The following ADAMTSL1 variants were observed in gnomAD, a reference collection of about 807,000 sequenced individuals.
ADAMTSL1 encodes ADAMTS-like protein 1.
In ADAMTSL1, 126 loss-of-function variants were observed where a neutral mutation model predicts 201.8. The ratio of observed to expected loss-of-function variants is 0.62; its 90% CI spans 0.54 to 0.72. ADAMTSL1 has a LOEUF of 0.72. ADAMTSL1 is among the 30% of genes least tolerant of loss of function. The pLI is 0.00. For synonymous variants in ADAMTSL1, 1,121 were observed against 903.4 expected (o/e 1.24, Z -4.32); for missense variants, 2,679 against 2,277.8 (o/e 1.18, Z -3.59).
At chr9:18,904,897 C>G (rs931885849) in intron 26 of ADAMTSL1, among the ~76,000 whole-genome samples, 9 of 151,990 alleles carry the variant, frequency 5.9e-5, no homozygotes, top group Admixed American at 5.9e-4. Flanking sequence ...TTCAGTGGTT[C>G]TTAACCTTTG....
intron 23 of ADAMTSL1, among the ~76,000 whole-genome samples, chr9:18,867,431 T>C (rs1220627854): frequency 6.6e-6 from 1 of 152,220 alleles, no homozygotes; most frequent in Non-Finnish European, 1.5e-5. Flanking sequence ...TTCCTGATGA[T>C]TTAAACAGTG....
intron 15 of ADAMTSL1, among the ~76,000 whole-genome samples, chr9:18,748,549 T>A (rs1819273290): frequency 6.6e-6 from 1 of 152,036 alleles, no homozygotes; most frequent in East Asian, 1.9e-4. Context: ...ACGAAAAGAG[T>A]TTACACCACA....
chr9:18,483,806 G>A (rs993414928), intron 1 of ADAMTSL1, among the ~76,000 whole-genome samples: 2 of 152,084 alleles, frequency 1.3e-5, no homozygotes, highest in Admixed American at 6.5e-5. Context: ...CAGCCTGGGC[G>A]ACAGAGCAAG....
chr9:18,889,534 A>G, intron 24 of ADAMTSL1, 34 bp from the exon 25 acceptor site: 1 of 1,608,212 alleles, frequency 6.2e-7, no homozygotes. Context: ...ATTATGCTAT[A>G]TTCTTTTCTA....
chr9:18,621,263 A>AC (rs1219818714), intron 4 of ADAMTSL1, among the ~76,000 whole-genome samples: 1 of 152,186 alleles, frequency 6.6e-6, no homozygotes, highest in African/African-American at 2.4e-5. Flanking sequence ...AGTAAAGAGG[A>AC]AAGACACAAA....
chr9:18,060,500 G>A (rs1165901876), intron 1 of ADAMTSL1, among the ~76,000 whole-genome samples: 3 of 152,162 alleles, frequency 2.0e-5, no homozygotes, highest in African/African-American at 7.2e-5. Context: ...CTTCTGACAT[G>A]TTGGGCAAGA....
At chr9:18,452,115 G>A (rs1820430286) in intron 2 of ADAMTSL1, among the ~76,000 whole-genome samples, 1 of 152,100 alleles carries the variant, frequency 6.6e-6, no homozygotes, top group Admixed American at 6.5e-5. Context: ...GTTTCTCCAT[G>A]TTGGTCAGGC....
intron 23 of ADAMTSL1, among the ~76,000 whole-genome samples, chr9:18,866,025 T>C (rs751176115): frequency 4.7e-5 from 7 of 150,208 alleles, no homozygotes; most frequent in Non-Finnish European, 8.8e-5. Context: ...GTTTATTATT[T>C]GGCCTCTCAA....
chr9:18,051,177 T>G (rs933310038), intron 1 of ADAMTSL1, among the ~76,000 whole-genome samples: 1 of 152,124 alleles, frequency 6.6e-6, no homozygotes, highest in Non-Finnish European at 1.5e-5. Flanking sequence ...GGCGGGCGCC[T>G]GTAGCCCCAG....
intron 2 of ADAMTSL1, among the ~76,000 whole-genome samples, chr9:18,241,135 A>G (rs577027947): frequency 6.6e-6 from 1 of 152,096 alleles, no homozygotes; most frequent in South Asian, 2.1e-4. Flanking sequence ...CATTTGACTA[A>G]CTACTGAGTA....
intron 2 of ADAMTSL1, among the ~76,000 whole-genome samples, chr9:18,256,972 C>T (rs2132516632): frequency 6.6e-6 from 1 of 152,284 alleles, no homozygotes; most frequent in South Asian, 2.1e-4. Flanking sequence ...TGTACCCCTG[C>T]CTCAAGCTTA....
At chr9:17,911,105 A>C (rs1266051719) in intron 1 of ADAMTSL1, among the ~76,000 whole-genome samples, 2 of 68,888 alleles carry the variant, frequency 2.9e-5, no homozygotes, top group African/African-American at 5.9e-5. Flanking sequence ...AATTATTTGG[A>C]AATCTAAAGA....
intron 2 of ADAMTSL1, among the ~76,000 whole-genome samples, chr9:18,177,918 C>T (rs866836153): frequency 6.6e-6 from 1 of 152,164 alleles, no homozygotes; most frequent in Non-Finnish European, 1.5e-5. Context: ...TGAATAAAAT[C>T]CCCCAAGTGT....
At chr9:18,279,864 G>A (rs1832718155) in intron 2 of ADAMTSL1, among the ~76,000 whole-genome samples, 1 of 152,196 alleles carries the variant, frequency 6.6e-6, no homozygotes, top group Non-Finnish European at 1.5e-5. Flanking sequence ...GTGTTAGCCT[G>A]GATCCCGGGG....
At chr9:18,158,138 G>A (rs1208995425) in intron 1 of ADAMTSL1, among the ~76,000 whole-genome samples, 5 of 151,958 alleles carry the variant, frequency 3.3e-5, no homozygotes, top group East Asian at 1.9e-4. Context: ...GCTGGCCAGA[G>A]GTTTGGGTGT....
At chr9:18,908,203 A>T in intron 28 of ADAMTSL1, 1 of 542,360 alleles carries the variant, frequency 1.8e-6, no homozygotes. Flanking sequence ...CAGCCCAGGG[A>T]GGGGCCCCAT....
intron 1 of ADAMTSL1, among the ~76,000 whole-genome samples, chr9:17,952,325 A>G (rs540030650): frequency 3.9e-5 from 6 of 151,964 alleles, no homozygotes; most frequent in Admixed American, 6.6e-5. Context: ...TAATATTCTT[A>G]TGAAGTATTT....
chr9:17,942,433 C>G (rs757954184), intron 1 of ADAMTSL1, among the ~76,000 whole-genome samples: 1 of 152,098 alleles, frequency 6.6e-6, no homozygotes, highest in Non-Finnish European at 1.5e-5. Flanking sequence ...TGTCTAAGCT[C>G]AGATGTGACA....
chr9:17,940,445 T>G lies in ADAMTSL1; in HGVS notation c.87+33523T>G, dbSNP rs1827190468. Among the ~76,000 whole-genome samples, 3 of 151,810 alleles carry G rather than the reference T, an allele frequency of 2.0e-5. No individual in the cohort carries two copies. In the South Asian group the frequency reaches 6.2e-4, roughly 32 times the overall value. On this transcript the variant is annotated intron_variant, in intron 1 of 29. Transcript: ENST00000680146. ...AGTAGGGAGAAGCAGCTGATGAAACTAGGAGAAGTTGTTTGTATGAATGGC... is the reference window on the plus strand; with the variant it reads ...AGTAGGGAGAAGCAGCTGATGAAACGAGGAGAAGTTGTTTGTATGAATGGC...
Sources: gnomAD v4.1 joint callset for allele counts (sites outside exome capture counted in the v4.1 genomes callset) on GRCh38, gnomAD v4.1.1 for gene constraint, MANE v1.5 for transcripts, NCBI Gene and HGNC (gene_info 2026-07-23, HGNC 2026-07-21) for gene names.